CNTN5: variants seen among roughly 807,000 people sequenced by gnomAD.
The protein encoded by CNTN5 is contactin-5.
A neutral mutation model predicts 129.1 loss-of-function variants in CNTN5; 77 were observed. The ratio of observed to expected loss-of-function variants is 0.60; its 90% CI spans 0.50 to 0.72. CNTN5 has a LOEUF of 0.72. Among genes scored for constraint, CNTN5 ranks in the 30% least tolerant of loss-of-function variants. The pLI, the probability that CNTN5 is intolerant of heterozygous loss-of-function variation, is 0.00. For missense variants in CNTN5, 1,478 were observed against 1,328.8 expected, an observed-to-expected ratio of 1.11 and a Z score of -1.75; for synonymous variants, 509 against 465.6, an observed-to-expected ratio of 1.09 and a Z score of -1.20.
intron 6 of CNTN5, among the ~76,000 whole-genome samples, chr11:99,849,389 A>T (rs965435348): frequency 6.6e-6 from 1 of 151,948 alleles, no homozygotes; most frequent in African/African-American, 2.4e-5. Context: ...ACATATGCAT[A>T]ATTAGTATAC....
At chr11:99,838,812 G>A (rs973271580) in intron 4 of CNTN5, among the ~76,000 whole-genome samples, 4 of 152,104 alleles carry the variant, frequency 2.6e-5, no homozygotes, top group East Asian at 3.9e-4. Context: ...AGTGACCCAC[G>A]AGGAAAGTGT....
At chr11:99,080,628 G>T (rs988381481) in intron 1 of CNTN5, among the ~76,000 whole-genome samples, 5 of 152,142 alleles carry the variant, frequency 3.3e-5, no homozygotes, top group Admixed American at 6.5e-5. Context: ...CCAGAACAAA[G>T]TCACAACCAT....
chr11:99,721,920 C>T (rs907839152), intron 3 of CNTN5, among the ~76,000 whole-genome samples: 4 of 152,126 alleles, frequency 2.6e-5, no homozygotes, highest in African/African-American at 4.8e-5. Flanking sequence ...AAATGCAAAT[C>T]AAAACCACAA....
chr11:99,560,107 T>C (rs1948792297), intron 3 of CNTN5, among the ~76,000 whole-genome samples: 1 of 152,086 alleles, frequency 6.6e-6, no homozygotes, highest in South Asian at 2.1e-4. Flanking sequence ...AACTACTTTG[T>C]ATGATACTAT....
intron 1 of CNTN5, among the ~76,000 whole-genome samples, chr11:99,134,183 C>G (rs753573615): frequency 4.6e-5 from 7 of 152,050 alleles, no homozygotes; most frequent in Non-Finnish European, 8.8e-5. Flanking sequence ...GTTCTCACTT[C>G]TAAGTGGGAG....
intron 1 of CNTN5, among the ~76,000 whole-genome samples, chr11:99,156,095 C>T (rs1289293676): frequency 6.6e-6 from 1 of 151,850 alleles, no homozygotes; most frequent in Non-Finnish European, 1.5e-5. Flanking sequence ...GAAGGAAAGA[C>T]AGATTTAACT....
chr11:99,200,446 T>A (rs4550191), intron 1 of CNTN5, among the ~76,000 whole-genome samples: 32,142 of 152,180 alleles, frequency 0.21, 3,494 homozygotes, highest in Middle Eastern at 0.26. Context: ...TTTAATTGCA[T>A]CTTTCCCAAC....
chr11:99,248,358 A>G lies in CNTN5; in HGVS notation c.-209-76988A>G, dbSNP rs1332770384. Among the ~76,000 whole-genome samples the G allele has an allele frequency of 2.0e-5, 3 of 152,142 alleles. No homozygotes were observed. The East Asian group carries it at 5.8e-4, about 29-fold the overall frequency. On this transcript the variant is annotated intron_variant, in intron 1 of 24. Transcript: ENST00000524871. ...TTGGAGTTCATTGTAGATTCTGGAT[A>G]TTAGCCCTTTGTCAGATGACTAGAT... is the stretch of plus-strand genomic sequence containing the variant.
rs17134489 is a variant in CNTN5, at chr11:99,805,767, A to G, written c.56-13777A>G. On this transcript the variant is annotated intron_variant, in intron 3 of 24. Transcript: ENST00000524871. ...TTGCAATTATTATACAAGTGTCTAC[A>G]TTTTAATTAGGTAGCTGATAAATGT... Among the ~76,000 whole-genome samples the G allele has an allele frequency of 3.5e-3, 538 of 152,316 alleles. 3 individuals carry two copies. Among genetic ancestry groups the G allele is most frequent in the African/African-American group, 0.012 (511 of 41,572 alleles).
chr11:99,872,269 T>C (rs1337646492), intron 6 of CNTN5, among the ~76,000 whole-genome samples: 1 of 152,128 alleles, frequency 6.6e-6, no homozygotes, highest in African/African-American at 2.4e-5. Flanking sequence ...TTTGTTTCTT[T>C]GCTTTACTGG....
At chr11:99,678,021 C>T (rs142201475) in intron 3 of CNTN5, among the ~76,000 whole-genome samples, 1 of 152,212 alleles carries the variant, frequency 6.6e-6, no homozygotes, top group African/African-American at 2.4e-5. Context: ...GCTTCATACA[C>T]TCACAGCCCT....
intron 1 of CNTN5, among the ~76,000 whole-genome samples, chr11:99,073,014 G>T (rs1387096660): frequency 6.6e-6 from 1 of 152,122 alleles, no homozygotes; most frequent in African/African-American, 2.4e-5. Flanking sequence ...TTCTTTTGCT[G>T]AATGTTATAT....
At chr11:99,919,391 C>G (rs1949877812) in intron 7 of CNTN5, among the ~76,000 whole-genome samples, 1 of 152,124 alleles carries the variant, frequency 6.6e-6, no homozygotes, top group African/African-American at 2.4e-5. Flanking sequence ...ATTCTTTCCT[C>G]CATATAAAAA....
intron 18 of CNTN5, among the ~76,000 whole-genome samples, chr11:100,291,347 T>A (rs1276592444): frequency 6.6e-6 from 1 of 151,652 alleles, no homozygotes; most frequent in Admixed American, 6.6e-5. Context: ...AGCGAAGACT[T>A]GGAACCAACC....
At chr11:99,882,942 T>A (rs1948809924) in intron 6 of CNTN5, among the ~76,000 whole-genome samples, 1 of 152,182 alleles carries the variant, frequency 6.6e-6, no homozygotes, top group South Asian at 2.1e-4. Context: ...GAGTTTTAGA[T>A]CCTACAAATA....
At chr11:100,286,199 A>G (rs930167651) in intron 18 of CNTN5, among the ~76,000 whole-genome samples, 4 of 152,214 alleles carry the variant, frequency 2.6e-5, no homozygotes, top group Non-Finnish European at 5.9e-5. Flanking sequence ...GCCATTGCCC[A>G]GGCTTGCTTA....
intron 3 of CNTN5, among the ~76,000 whole-genome samples, chr11:99,702,639 T>G (rs971545997): frequency 1.3e-5 from 2 of 150,988 alleles, no homozygotes; most frequent in African/African-American, 2.4e-5. Flanking sequence ...TTGGATCATA[T>G]TCACTCCAGC....
chr11:100,160,179 TTC>T (rs1947398059), intron 13 of CNTN5, among the ~76,000 whole-genome samples: 1 of 151,972 alleles, frequency 6.6e-6, no homozygotes, highest in Non-Finnish European at 1.5e-5. Context: ...GTGTTTGGTT[TTC>T]TGTTTCTGTG....
intron 3 of CNTN5, among the ~76,000 whole-genome samples, chr11:99,612,952 G>C (rs1317836507): frequency 6.6e-6 from 1 of 152,132 alleles, no homozygotes; most frequent in Non-Finnish European, 1.5e-5. Context: ...AAGAACTGAG[G>C]TTAGAAAGCC....
Sources: gnomAD v4.1 joint callset for allele counts (sites outside exome capture counted in the v4.1 genomes callset) on GRCh38, gnomAD v4.1.1 for gene constraint, MANE v1.5 for transcripts, NCBI Gene and HGNC (gene_info 2026-07-23, HGNC 2026-07-21) for gene names.